Variants in HIVEP3 observed in about 807,000 individuals in gnomAD.
HIVEP3 encodes HIVEP zinc finger 3.
Under a neutral mutation model 152.8 loss-of-function variants are expected in HIVEP3, and 49 were observed. The observed-to-expected ratio is 0.32, with a 90% CI of 0.26 to 0.41. HIVEP3 has a LOEUF of 0.41. Ranked by LOEUF, HIVEP3 falls within the 10% of genes least tolerant of loss-of-function variation. The pLI is 1.00. For missense variants in HIVEP3, 2,790 were observed against 3,103.3 expected (o/e 0.90, Z 2.40); for synonymous variants, 1,269 against 1,289.0 (o/e 0.98, Z 0.33).
intron 1 of HIVEP3, among the ~76,000 whole-genome samples, chr1:41,712,683 C>G (rs1350306909): frequency 1.3e-5 from 2 of 152,240 alleles, no homozygotes. Flanking sequence ...AAACCAGAAA[C>G]AGAGCCACAA....
At position 41,867,075 on chromosome 1, in the gene HIVEP3, C is replaced by G. The variant is rs952643763; in HGVS notation, c.-801+51338G>C. On this transcript the variant is annotated intron_variant, in intron 1 of 8. Coordinates refer to ENST00000372583, the MANE Select transcript of HIVEP3 (RefSeq NM_024503.5). ...TGATGGAGAGCCAGGGCCAGTCTTT[C>G]CAATCATCACTCAAGCTTCCAGTGG... is the stretch of plus-strand genomic sequence containing the variant. 5.3e-5 allele frequency among the ~76,000 whole-genome samples: 8 copies of G among 152,194 alleles called. No homozygotes were observed. The South Asian group carries it at 1.7e-3, about 32-fold the overall frequency.
intron 3 of HIVEP3, among the ~76,000 whole-genome samples, chr1:41,618,198 G>A (rs886307223): frequency 2.6e-5 from 4 of 152,206 alleles, no homozygotes; most frequent in Non-Finnish European, 4.4e-5. Flanking sequence ...GCTGCGGGAT[G>A]GTGCCAGAGC....
chr1:42,009,961 T>C, intron 1 of HIVEP3, among the ~76,000 whole-genome samples: 1 of 152,216 alleles, frequency 6.6e-6, no homozygotes, highest in Non-Finnish European at 1.5e-5. Context: ...AACAGGGTCT[T>C]ACCTGTTGCC....
intron 2 of HIVEP3, among the ~76,000 whole-genome samples, chr1:41,650,122 C>T (rs189448657): frequency 2.2e-4 from 33 of 152,200 alleles, no homozygotes; most frequent in African/African-American, 7.9e-4. Context: ...GCTAGAGGCT[C>T]CTTCTGGGAG....
intron 5 of HIVEP3, among the ~76,000 whole-genome samples, chr1:41,568,903 G>A (rs1644209829): frequency 1.3e-5 from 2 of 152,190 alleles, no homozygotes; most frequent in Non-Finnish European, 2.9e-5. Flanking sequence ...CTGGTGGGAG[G>A]TGACTGGATC....
intron 1 of HIVEP3, among the ~76,000 whole-genome samples, chr1:41,901,006 C>T (rs1045560248): frequency 1.3e-5 from 2 of 152,028 alleles, no homozygotes; most frequent in Non-Finnish European, 2.9e-5. Context: ...TCTCCTGCAG[C>T]AGTCAAGCAA....
rs968635693 is a variant in HIVEP3 at position 41,862,886 on chromosome 1, C to T, written c.-801+55527G>A. ...TTGGCAGATATAGACGGAAGATAAGCAGGTTCCCTTTCAGATGGTAACCCC... is the reference window on the plus strand; with the variant it reads ...TTGGCAGATATAGACGGAAGATAAGTAGGTTCCCTTTCAGATGGTAACCCC... On this transcript the variant is annotated intron_variant, in intron 1 of 8. Coordinates refer to ENST00000372583, the MANE Select transcript of HIVEP3 (RefSeq NM_024503.5). Among the ~76,000 whole-genome samples the T allele has an allele frequency of 2.0e-5, 3 of 152,322 alleles. No individual in the cohort carries two copies. The East Asian group carries it at 5.8e-4, about 29-fold the overall frequency.
At chr1:41,877,535 C>T (rs989460362) in intron 1 of HIVEP3, among the ~76,000 whole-genome samples, 3 of 152,148 alleles carry the variant, frequency 2.0e-5, no homozygotes, top group Non-Finnish European at 2.9e-5. Context: ...TGTTGGATTT[C>T]GTGCTCTATA....
At chr1:41,814,685 C>A (rs1002135245) in intron 1 of HIVEP3, among the ~76,000 whole-genome samples, 2 of 152,246 alleles carry the variant, frequency 1.3e-5, no homozygotes, top group Non-Finnish European at 2.9e-5. Flanking sequence ...CTCTCCATTG[C>A]ATTTGCAACT....
At chr1:41,627,208 C>G (rs1387191938) in intron 3 of HIVEP3, among the ~76,000 whole-genome samples, 1 of 152,176 alleles carries the variant, frequency 6.6e-6, no homozygotes, top group Admixed American at 6.5e-5. Flanking sequence ...TTTGGGAGGT[C>G]CTTGTTAACG....
intron 3 of HIVEP3, among the ~76,000 whole-genome samples, chr1:41,615,304 T>C (rs1644951059): frequency 6.6e-6 from 1 of 152,216 alleles, no homozygotes; most frequent in African/African-American, 2.4e-5. Flanking sequence ...CTTCTACTCA[T>C]GGTTTATGTC....
chr1:41,657,217 T>C (rs561439796), intron 2 of HIVEP3, among the ~76,000 whole-genome samples: 11 of 152,340 alleles, frequency 7.2e-5, no homozygotes, highest in Non-Finnish European at 1.0e-4. Context: ...TACACCCCAA[T>C]TGACCCACAC....
intron 2 of HIVEP3, among the ~76,000 whole-genome samples, chr1:41,682,275 C>A (rs1002214341): frequency 6.6e-6 from 1 of 152,210 alleles, no homozygotes; most frequent in Non-Finnish European, 1.5e-5. Flanking sequence ...AGCACCTCCA[C>A]AGGTGGCTCA....
Position 41,680,733 on chromosome 1 carries a change from G to A in HIVEP3, c.-721+20183C>T, listed in dbSNP as rs185305308. On this transcript the variant is annotated intron_variant, in intron 2 of 8. Transcript: ENST00000372583. ...GATGAAGCAGCTCTGGCGATCTGCC[G>A]CACAATGTTGTATTAATACCTGTCG... is the stretch of plus-strand genomic sequence containing the variant. Among the ~76,000 whole-genome samples the A allele has an allele frequency of 5.1e-4, 77 of 152,304 alleles. 2 individuals carry two copies. The highest frequency in any genetic ancestry group is 1.8e-3 in the African/African-American group (75 of 41,560).
At chr1:41,842,049 C>T (rs1285264587) in intron 1 of HIVEP3, among the ~76,000 whole-genome samples, 1 of 151,880 alleles carries the variant, frequency 6.6e-6, no homozygotes, top group East Asian at 1.9e-4. Flanking sequence ...GTCGAGATCA[C>T]AGCACTGCAC....
At chr1:41,998,876 CTT>C (rs1553141847) in intron 1 of HIVEP3, among the ~76,000 whole-genome samples, 3 of 110,486 alleles carry the variant, frequency 2.7e-5, no homozygotes, top group Non-Finnish European at 5.9e-5. Flanking sequence ...GTTTTTAATA[CTT>C]TTCTCTCTCT....
chr1:41,561,519 CTT>C (rs35615986), intron 5 of HIVEP3, among the ~76,000 whole-genome samples: 30 of 146,930 alleles, frequency 2.0e-4, no homozygotes, highest in African/African-American at 2.7e-4. Flanking sequence ...CCATATGTCA[CTT>C]TTTTTTTTTT....
intron 1 of HIVEP3, among the ~76,000 whole-genome samples, chr1:41,772,704 G>A (rs1239983854): frequency 2.0e-5 from 3 of 152,266 alleles, no homozygotes; most frequent in Admixed American, 1.3e-4. Flanking sequence ...GAGGTCAGGC[G>A]TTCAAGACCA....
At chr1:42,026,100 G>T (rs937795345) in intron 1 of HIVEP3, among the ~76,000 whole-genome samples, 6 of 152,034 alleles carry the variant, frequency 3.9e-5, no homozygotes, top group Non-Finnish European at 5.9e-5. Context: ...CTGCGAAAAG[G>T]CTTGTCGGTC....
Sources: allele counts gnomAD v4.1 joint callset (sites outside exome capture counted in the v4.1 genomes callset), GRCh38; gene constraint gnomAD v4.1.1; transcripts MANE v1.5; gene names NCBI Gene and HGNC (gene_info 2026-07-23, HGNC 2026-07-21).